CFAP44: variants seen among roughly 807,000 people sequenced by gnomAD.
CFAP44 encodes the protein cilia and flagella associated protein 44, also known as cilia- and flagella-associated protein 44.
In CFAP44, 134 loss-of-function variants were observed where a neutral mutation model predicts 216.2. The ratio of observed to expected loss-of-function variants is 0.62; its 90% CI spans 0.54 to 0.72. The LOEUF (loss-of-function observed/expected upper bound fraction) is 0.72. Ranked by LOEUF, CFAP44 falls within the 30% of genes least tolerant of loss-of-function variation. CFAP44 has a pLI of 0.00. For synonymous variants in CFAP44, 700 were observed against 727.6 expected, an observed-to-expected ratio of 0.96 and a Z score of 0.61; for missense variants, 2,035 against 2,182.1, an observed-to-expected ratio of 0.93 and a Z score of 1.34.
intron 18 of CFAP44, among the ~76,000 whole-genome samples, chr3:113,372,781 T>C (rs1237597373): frequency 1.3e-5 from 2 of 151,980 alleles, no homozygotes; most frequent in African/African-American, 4.8e-5. Context: ...GCATAAGGGA[T>C]GACATGCACC....
chr3:113,440,826 C>T (rs538303732), intron 1 of CFAP44, among the ~76,000 whole-genome samples: 1 of 152,234 alleles, frequency 6.6e-6, no homozygotes, highest in East Asian at 1.9e-4. Context: ...TCTCTCTCTC[C>T]CTAGCCTCCT....
At chr3:113,413,135 C>CT (rs1336893328) in intron 6 of CFAP44, among the ~76,000 whole-genome samples, 3 of 152,108 alleles carry the variant, frequency 2.0e-5, no homozygotes, top group East Asian at 1.9e-4. Flanking sequence ...TGATGTTGAG[C>CT]TTTTTTTCAT....
At chr3:113,333,626 A>C in intron 24 of CFAP44, 43 bp from the exon 25 acceptor site, 1 of 1,443,594 alleles carries the variant, frequency 6.9e-7, no homozygotes, top group Non-Finnish European at 9.1e-7. Flanking sequence ...AAATATGACA[A>C]TAAACTCTAA....
intron 17 of CFAP44, among the ~76,000 whole-genome samples, 187 bp downstream of exon 17, chr3:113,379,119 A>T (rs1327694197): frequency 6.6e-6 from 1 of 152,162 alleles, no homozygotes; most frequent in Non-Finnish European, 1.5e-5. Context: ...AAGATTATTT[A>T]AAAACAACTA....
chr3:113,330,411 G>T lies in CFAP44; in HGVS notation c.3873C>A (p.Ser1291=), dbSNP rs2107811142. Residue 1291 remains serine, a synonymous_variant, in exon 26 of 35, where the codon TCC becomes TCA. Coordinates refer to ENST00000393845, the MANE Select transcript of CFAP44 (RefSeq NM_001164496.2). ...QQQMKSKDEK[S]PGVEQTGSGG... ...CAGACCCTGTCTGTTCCACTCCGGG[G>T]GACTTTTCATCTTTACTTTTCATTT... 6.5e-7 allele frequency: 1 copy of T among 1,537,160 alleles called. No homozygotes were observed. The highest frequency in any genetic ancestry group is 1.2e-5 in the South Asian group (1 of 84,048).
At chr3:113,344,802 T>A in intron 22 of CFAP44, 90 bp from the exon 23 acceptor site, 2 of 1,135,008 alleles carry the variant, frequency 1.8e-6, no homozygotes, top group Non-Finnish European at 2.4e-6. Flanking sequence ...CAATACACTA[T>A]TCTTATTATA....
At position 113,330,537 on chromosome 3, in the gene CFAP44, C is replaced by A; in HGVS notation, c.3747G>T (p.Lys1249Asn). The A allele has an allele frequency of 6.5e-7, 1 of 1,537,172 alleles. No homozygotes were observed. Among genetic ancestry groups the A allele is most frequent in the East Asian group, 2.4e-5 (1 of 40,924 alleles). ...GAGGAATTTTGGGAATGGGTATGTGCTTGGATATGTGAAGAGTCGACTGAA... is the reference window on the plus strand; with the variant it reads ...GAGGAATTTTGGGAATGGGTATGTGATTGGATATGTGAAGAGTCGACTGAA... ...KNIQSTLHIS[K>N]HIPIPKIPQI... The change falls in exon 26 of 35, where the codon AAG becomes AAT. Residue 1249 changes from lysine to asparagine, a missense_variant. Lys to Asn is a moderately conservative substitution (Grantham distance 94). Coordinates refer to ENST00000393845, the MANE Select transcript of CFAP44 (RefSeq NM_001164496.2).
At chr3:113,388,337 A>G (rs1040623787) in intron 15 of CFAP44, among the ~76,000 whole-genome samples, 23 of 152,230 alleles carry the variant, frequency 1.5e-4, no homozygotes, top group Non-Finnish European at 4.4e-5. Context: ...ATCAGTTAAA[A>G]TAACAGGTTA....
At chr3:113,379,246 C>T in intron 17 of CFAP44, 60 bp downstream of exon 17, 2 of 1,210,492 alleles carry the variant, frequency 1.7e-6, no homozygotes, top group Non-Finnish European at 2.2e-6. Context: ...AATGAAGTTA[C>T]AATAACTATA....
intron 8 of CFAP44, among the ~76,000 whole-genome samples, chr3:113,406,192 G>T (rs978553403): frequency 6.6e-6 from 1 of 152,210 alleles, no homozygotes; most frequent in South Asian, 2.1e-4. Flanking sequence ...CAGTTGCAGT[G>T]TTGCAGATGC....
intron 1 of CFAP44, among the ~76,000 whole-genome samples, chr3:113,440,851 C>CA (rs1396951768): frequency 6.6e-6 from 1 of 152,164 alleles, no homozygotes; most frequent in African/African-American, 2.4e-5. Context: ...CTTCTCCTCT[C>CA]AAAGATTTTC....
chr3:113,297,884 G>T (rs1158744217), intron 32 of CFAP44, among the ~76,000 whole-genome samples: 2 of 152,182 alleles, frequency 1.3e-5, no homozygotes, highest in Non-Finnish European at 2.9e-5. Flanking sequence ...GGGCATAATT[G>T]TTACAATTTA....
chr3:113,311,445 T>G (rs1576541618), intron 28 of CFAP44, among the ~76,000 whole-genome samples: 1 of 152,172 alleles, frequency 6.6e-6, no homozygotes, highest in African/African-American at 2.4e-5. Flanking sequence ...TTATCAGGGG[T>G]TTCTGCTTTT....
intron 15 of CFAP44, among the ~76,000 whole-genome samples, chr3:113,386,747 G>A (rs745451007): frequency 2.0e-5 from 3 of 152,184 alleles, no homozygotes; most frequent in Admixed American, 6.5e-5. Context: ...CAAAAATCAG[G>A]TGAGTGATGA....
chr3:113,308,968 T>C (rs1950012622), intron 28 of CFAP44, among the ~76,000 whole-genome samples: 1 of 152,222 alleles, frequency 6.6e-6, no homozygotes. Context: ...TTATTTAACT[T>C]GGTATGAATA....
intron 28 of CFAP44, among the ~76,000 whole-genome samples, chr3:113,314,156 T>C (rs1049929695): frequency 2.0e-5 from 3 of 152,044 alleles, no homozygotes; most frequent in African/African-American, 7.2e-5. Flanking sequence ...CTTCCCTAAT[T>C]TGACAAAAGA....
At chr3:113,440,426 G>A (rs1935335138) in intron 1 of CFAP44, among the ~76,000 whole-genome samples, 1 of 152,172 alleles carries the variant, frequency 6.6e-6, no homozygotes, top group Non-Finnish European at 1.5e-5. Context: ...TTTTACAGAT[G>A]AGAAAGCAGC....
At chr3:113,355,348 G>A (rs1950483879) in intron 22 of CFAP44, among the ~76,000 whole-genome samples, 1 of 152,138 alleles carries the variant, frequency 6.6e-6, no homozygotes, top group South Asian at 2.1e-4. Context: ...GTGAAACCCT[G>A]TCTCTACTAA....
At chr3:113,387,143 G>A (rs1485398482) in intron 15 of CFAP44, among the ~76,000 whole-genome samples, 1 of 152,162 alleles carries the variant, frequency 6.6e-6, no homozygotes, top group Admixed American at 6.5e-5. Context: ...ACAAGTCCTG[G>A]TGCTGTACTG....
Sources: allele counts gnomAD v4.1 joint callset (sites outside exome capture counted in the v4.1 genomes callset), GRCh38; gene constraint gnomAD v4.1.1; transcripts MANE v1.5; gene names NCBI Gene and HGNC (gene_info 2026-07-23, HGNC 2026-07-21).